The following CHRND variants were observed in gnomAD, a reference collection of about 807,000 sequenced individuals.
The protein encoded by CHRND is acetylcholine receptor subunit delta.
In CHRND, 40 loss-of-function variants were observed where a neutral mutation model predicts 57.8. The ratio of observed to expected loss-of-function variants is 0.69; its 90% CI spans 0.54 to 0.90. The LOEUF (loss-of-function observed/expected upper bound fraction) is 0.90, where lower values mean the gene tolerates loss of function less well. CHRND is among the 40% of genes least tolerant of loss of function. The pLI is 0.00. For missense variants in CHRND, 634 were observed against 673.9 expected, an observed-to-expected ratio of 0.94 and a Z score of 0.66; for synonymous variants, 237 against 270.6, an observed-to-expected ratio of 0.88 and a Z score of 1.22.
chr2:232,526,499 C>T (rs747616715), intron 1 of CHRND, 30 bp from the exon 2 acceptor site: 1 of 1,613,232 alleles, frequency 6.2e-7, no homozygotes, highest in Non-Finnish European at 8.5e-7. Context: ...CCCAGGGCCC[C>T]ATTCAGTCCT....
At position 232,529,965 on chromosome 2, in the gene CHRND, C is replaced by A; in HGVS notation, c.646C>A (p.Arg216=). Residue 216 remains arginine (R), a synonymous_variant, in exon 7 of 12, where the codon CGG becomes AGG. Transcript: ENST00000258385. ...GAACGGGGAGTGGGAGATAGTCCAC[C>A]GGCCGGCCAGGGTCAACGTGGACCC... ...TENGEWEIVH[R]PARVNVDPRA... 6.2e-7 allele frequency: 1 copy of A among 1,614,110 alleles called. No homozygotes were observed. The highest frequency in any genetic ancestry group is 8.5e-7 in the Non-Finnish European group (1 of 1,180,008).
In CHRND at chr2:232,534,301, T is replaced by C. The variant is rs772140028; in HGVS notation, c.1330T>C (p.Phe444Leu). 22 of 1,614,056 alleles carry C rather than the reference T, an allele frequency of 1.4e-5. No homozygotes were observed. Among genetic ancestry groups the C allele is most frequent in the Non-Finnish European group, 1.7e-5 (20 of 1,180,046 alleles). Reference sequence around the variant, plus strand: ...GAAGCCAGCTGTGGATGGGGCAAACTTCATTGTTAACCACATGAGGGACCA... The same window carrying C: ...GAAGCCAGCTGTGGATGGGGCAAACCTCATTGTTAACCACATGAGGGACCA... The part of the protein sequence containing the change: ...ELKPAVDGAN[F>L]IVNHMRDQNN... The change falls in exon 11 of 12, where the codon TTC becomes CTC. Residue 444 changes from phenylalanine to leucine, a missense_variant. Phe to Leu is a conservative substitution (Grantham distance 22, BLOSUM62 0). Coordinates refer to ENST00000258385, the MANE Select transcript of CHRND (RefSeq NM_000751.3).
At chr2:232,527,308 A>AC in intron 2 of CHRND, 93 bp from the exon 3 acceptor site, 1 of 1,139,366 alleles carries the variant, frequency 8.8e-7, no homozygotes, top group South Asian at 1.3e-5. Context: ...CCTGGAAAAA[A>AC]AAAGAGAGAG....
intron 4 of CHRND, 42 bp downstream of exon 4, chr2:232,528,413 C>T: frequency 1.2e-6 from 2 of 1,613,526 alleles, no homozygotes; most frequent in Non-Finnish European, 8.5e-7. Context: ...GTCACCCTGC[C>T]TCCTTTCCTT....
chr2:232,530,036 C>G lies in CHRND; in HGVS notation c.717C>G (p.Tyr239Ter). 6.2e-7 allele frequency: 1 copy of G among 1,614,132 alleles called. No individual in the cohort carries two copies. The highest frequency in any genetic ancestry group is 1.6e-4 in the Middle Eastern group (1 of 6,062). Reference protein sequence around the residue: ...DSPSRQDITFYLIIRRKPLFY... With the variant: ...DSPSRQDITF ...CCAGCCGCCAGGACATCACCTTCTACCTCATCATCCGCCGCAAGCCCCTCT... is the reference window on the plus strand; with the variant it reads ...CCAGCCGCCAGGACATCACCTTCTAGCTCATCATCCGCCGCAAGCCCCTCT... Residue 239 changes from tyrosine to a stop codon, truncating the protein, a stop_gained, in exon 7 of 12, where the codon TAC becomes TAG. Coordinates refer to ENST00000258385, the MANE Select transcript of CHRND (RefSeq NM_000751.3). LOFTEE classifies it high-confidence loss of function.
rs1181472822 is a variant in CHRND at position 232,536,541 on chromosome 2, C to A, written c.*1229C>A. 9.0e-6 allele frequency: 4 copies of A among 442,840 alleles called. No individual in the cohort carries two copies. Among genetic ancestry groups the A allele is most frequent in the South Asian group, 6.3e-5 (4 of 63,288 alleles). 27.4% of individuals were successfully genotyped at this position (442,840 alleles called of 1,614,324 possible). On this transcript the variant is annotated 3_prime_UTR_variant, in exon 12 of 12. Transcript: ENST00000258385. ...GTAGGGCCTTCGGATGAGATCACAG[C>A]CCAGTAGACATCTTATGTGCAGCCC...
rs1160011879 is a variant in CHRND, at chr2:232,531,714, T to C, written c.1047+58T>C. 4.9e-6 allele frequency: 7 copies of C among 1,436,488 alleles called. No individual in the cohort carries two copies. The Admixed American group carries it at 1.2e-4, about 24-fold the overall frequency. 89.0% of individuals were successfully genotyped at this position (1,436,488 alleles called of 1,614,324 possible). On this transcript the variant is annotated intron_variant, in intron 9 of 11. Coordinates refer to ENST00000258385, the MANE Select transcript of CHRND (RefSeq NM_000751.3). The stretch of plus-strand genomic sequence containing the variant: ...CTGTAATCCTGGCATTTCAGGAGGC[T>C]GAGGCGGGAGAATCTCTTGAGCCCA...
chr2:232,529,419 G>A (rs554840194), intron 6 of CHRND, among the ~76,000 whole-genome samples: 1 of 152,280 alleles, frequency 6.6e-6, no homozygotes, highest in East Asian at 1.9e-4. Flanking sequence ...CCTCCATGGG[G>A]CCTACCACTT....
At chr2:232,531,324 A>G (rs1387287915) in intron 7 of CHRND, 28 bp from the exon 8 acceptor site, 1 of 1,512,602 alleles carries the variant, frequency 6.6e-7, no homozygotes, top group African/African-American at 1.5e-5. Context: ...CGGTGCCCCA[A>G]GGTCACAGCT....
intron 2 of CHRND, 97 bp from the exon 3 acceptor site, chr2:232,527,304 A>G: frequency 9.0e-7 from 1 of 1,114,804 alleles, no homozygotes; most frequent in Non-Finnish European, 1.4e-6. Context: ...AGACCCTGGA[A>G]AAAAAAAGAG....
In CHRND at chr2:232,535,849, G is replaced by C. The variant is rs779920022; in HGVS notation, c.*537G>C. The stretch of plus-strand genomic sequence containing the variant: ...CTTTCTGCCTTGACCTCTCTGCCTA[G>C]GTCCCTTTGGGAAGTTGAGGACTGG... On this transcript the variant is annotated 3_prime_UTR_variant, in exon 12 of 12. Coordinates refer to ENST00000258385, the MANE Select transcript of CHRND (RefSeq NM_000751.3). 2.2e-6 allele frequency: 1 copy of C among 454,066 alleles called. No individual in the cohort carries two copies. The highest frequency in any genetic ancestry group is 1.6e-5 in the South Asian group (1 of 64,472). 28.1% of individuals were successfully genotyped at this position (454,066 alleles called of 1,614,324 possible).
chr2:232,529,781 C>T (rs1351813201), intron 6 of CHRND, among the ~76,000 whole-genome samples, 158 bp from the exon 7 acceptor site: 5 of 152,166 alleles, frequency 3.3e-5, no homozygotes, highest in Non-Finnish European at 7.3e-5. Context: ...ACTTCCATCC[C>T]GACCCCCCAG....
chr2:232,529,077 G>A, intron 6 of CHRND, 106 bp downstream of exon 6: 1 of 780,568 alleles, frequency 1.3e-6, no homozygotes, highest in East Asian at 2.6e-5. Context: ...CACACACTTA[G>A]GACACCAATA....
At chr2:232,529,545 A>G (rs1036180691) in intron 6 of CHRND, among the ~76,000 whole-genome samples, 6 of 152,240 alleles carry the variant, frequency 3.9e-5, no homozygotes, top group African/African-American at 1.4e-4. Context: ...GAGTGGCTCA[A>G]TTAATGTCCA....
chr2:232,526,265 G>A lies in CHRND; in HGVS notation c.50G>A (p.Cys17Tyr). 1 of 1,612,686 alleles carries A rather than the reference G, an allele frequency of 6.2e-7. No individual in the cohort carries two copies. The highest frequency in any genetic ancestry group is 8.5e-7 in the Non-Finnish European group (1 of 1,179,636). Residue 17 changes from cysteine (C) to tyrosine (Y), a missense_variant and splice_region_variant, in exon 1 of 12, where the codon TGT becomes TAT. Physicochemically the swap from Cys to Tyr is radical, Grantham distance 194. Transcript: ENST00000258385. ...GGGCTGCTGGCTGCCCTGGCGGTGT[G>A]TGGTAAGGGAAGACACCCTCCCCAC... ...TLGLLAALAV[C>Y]GSWGLNEEER...
At chr2:232,526,498 CCA>C in intron 1 of CHRND, 29 bp from the exon 2 acceptor site, 1 of 1,613,206 alleles carries the variant, frequency 6.2e-7, no homozygotes. Flanking sequence ...GCCCAGGGCC[CCA>C]TTCAGTCCTT....
rs1691882652 is a variant in CHRND at position 232,536,072 on chromosome 2, T to A, written c.*760T>A. On this transcript the variant is annotated 3_prime_UTR_variant, in exon 12 of 12. Transcript: ENST00000258385. ...AAAATCATTCGTTGTTTCTCTGAAATTTGTCCCCTATTTTTATTTGCTAAA... is the reference window on the plus strand; with the variant it reads ...AAAATCATTCGTTGTTTCTCTGAAAATTGTCCCCTATTTTTATTTGCTAAA... 1 of 453,998 alleles carries A rather than the reference T, an allele frequency of 2.2e-6. No homozygotes were observed. The highest frequency in any genetic ancestry group is 4.4e-6 in the Non-Finnish European group (1 of 226,792). The allele number at this position is 453,998 out of a possible 1,614,324, so 28.1% of individuals were successfully genotyped here.
Position 232,530,079 on chromosome 2 carries a change from C to T in CHRND, c.760C>T (p.Leu254=), listed in dbSNP as rs1046806792. ...GCCCCTCTTCTACATCATCAACATC[C>T]TGGTGCCCTGCGTGCTCATCTCCTT... is the stretch of plus-strand genomic sequence containing the variant. The part of the protein sequence containing the change: ...RKPLFYIINI[L]VPCVLISFMV... The change falls in exon 7 of 12, where the codon CTG becomes TTG. Residue 254 remains leucine (L), a synonymous_variant. Transcript: ENST00000258385. The T allele has an allele frequency of 1.2e-6, 2 of 1,614,198 alleles. No homozygotes were observed. Among genetic ancestry groups the T allele is most frequent in the African/African-American group, 2.7e-5 (2 of 75,048 alleles).
At position 232,527,395 on chromosome 2, in the gene CHRND, T is replaced by C; in HGVS notation, c.199-6T>C. On this transcript the variant is annotated splice_polypyrimidine_tract_variant and splice_region_variant and intron_variant, in intron 2 of 11. Coordinates refer to ENST00000258385, the MANE Select transcript of CHRND (RefSeq NM_000751.3). ...CCTGAAGGATGGCCCTACCGTCTAATTACAGAAAGAAGTTGAGGAGACCCT... is the reference window on the plus strand; with the variant it reads ...CCTGAAGGATGGCCCTACCGTCTAACTACAGAAAGAAGTTGAGGAGACCCT... 6 of 1,610,886 alleles carry C rather than the reference T, an allele frequency of 3.7e-6. No individual in the cohort carries two copies. The highest frequency in any genetic ancestry group is 5.1e-6 in the Non-Finnish European group (6 of 1,177,318).
Sources: gnomAD v4.1 joint callset for allele counts (sites outside exome capture counted in the v4.1 genomes callset) on GRCh38, gnomAD v4.1.1 for gene constraint, MANE v1.5 for transcripts, NCBI Gene and HGNC (gene_info 2026-07-23, HGNC 2026-07-21) for gene names.